NKAIN2: variants seen among roughly 807,000 people sequenced by gnomAD.
The protein encoded by NKAIN2 is sodium/potassium-transporting ATPase subunit beta-1-interacting protein 2.
NKAIN2 carries 14 observed loss-of-function variants against 32.6 expected under a neutral mutation model. The ratio of observed to expected loss-of-function variants is 0.43; its 90% CI spans 0.28 to 0.67. The LOEUF is 0.67. Ranked by LOEUF, NKAIN2 falls within the 30% of genes least tolerant of loss-of-function variation. NKAIN2 has a pLI of 0.17. For missense variants in NKAIN2, 198 were observed against 258.3 expected, an observed-to-expected ratio of 0.77 and a Z score of 1.60; for synonymous variants, 80 against 87.2, an observed-to-expected ratio of 0.92 and a Z score of 0.46.
chr6:124,411,614 AT>A (rs1774188630), intron 3 of NKAIN2, among the ~76,000 whole-genome samples: 2 of 152,042 alleles, frequency 1.3e-5, no homozygotes, highest in African/African-American at 2.4e-5. Context: ...TGCCCTTAAC[AT>A]TTTTTCCTTC....
At chr6:124,006,111 T>A (rs993321143) in intron 1 of NKAIN2, among the ~76,000 whole-genome samples, 1 of 152,182 alleles carries the variant, frequency 6.6e-6, no homozygotes, top group African/African-American at 2.4e-5. Flanking sequence ...AGCCTCACCG[T>A]GTTTGAGGAG....
At chr6:124,045,176 A>G (rs776341863) in intron 1 of NKAIN2, among the ~76,000 whole-genome samples, 38 of 151,838 alleles carry the variant, frequency 2.5e-4, no homozygotes, top group Non-Finnish European at 2.1e-4. Context: ...ATATCAATAT[A>G]TTCTAATATA....
At chr6:124,172,434 A>G (rs771209445) in intron 1 of NKAIN2, among the ~76,000 whole-genome samples, 3 of 152,126 alleles carry the variant, frequency 2.0e-5, no homozygotes, top group African/African-American at 4.8e-5. Flanking sequence ...CGTAAGTTTC[A>G]TTTTATTATG....
intron 4 of NKAIN2, among the ~76,000 whole-genome samples, chr6:124,701,373 A>G (rs1337726156): frequency 2.0e-5 from 3 of 152,174 alleles, no homozygotes; most frequent in African/African-American, 7.2e-5. Flanking sequence ...CAACTTAAAC[A>G]TCTGTCCATA....
chr6:124,725,605 T>A (rs746908949), intron 4 of NKAIN2, among the ~76,000 whole-genome samples: 6 of 152,190 alleles, frequency 3.9e-5, no homozygotes, highest in Non-Finnish European at 8.8e-5. Context: ...AGCAAGAGTC[T>A]TCCAAATGAT....
intron 1 of NKAIN2, among the ~76,000 whole-genome samples, chr6:124,274,769 C>T (rs536643215): frequency 9.9e-5 from 15 of 151,560 alleles, no homozygotes; most frequent in African/African-American, 2.2e-4. Context: ...TCACAGAATG[C>T]GGACACACTA....
chr6:124,821,541 A>G (rs1781395251), intron 6 of NKAIN2, among the ~76,000 whole-genome samples: 1 of 152,178 alleles, frequency 6.6e-6, no homozygotes. Flanking sequence ...AGACTCTACA[A>G]AGATAGATAT....
intron 3 of NKAIN2, among the ~76,000 whole-genome samples, chr6:124,437,681 A>G: frequency 6.6e-6 from 1 of 152,130 alleles, no homozygotes; most frequent in Non-Finnish European, 1.5e-5. Flanking sequence ...GAAACTTAGA[A>G]TAGAAACTGG....
chr6:124,378,729 G>A (rs1474084095), intron 3 of NKAIN2, among the ~76,000 whole-genome samples: 1 of 152,044 alleles, frequency 6.6e-6, no homozygotes, highest in Non-Finnish European at 1.5e-5. Context: ...GTGGGGAAGA[G>A]AATGTTGAGG....
intron 3 of NKAIN2, among the ~76,000 whole-genome samples, chr6:124,483,082 A>G (rs1042258703): frequency 4.0e-5 from 6 of 150,802 alleles, no homozygotes; most frequent in African/African-American, 1.2e-4. Context: ...AGATCGTGCC[A>G]CTGCACTCCA....
At chr6:124,631,726 ACTTTTGATGTCT>A (rs1783576386) in intron 3 of NKAIN2, among the ~76,000 whole-genome samples, 1 of 152,094 alleles carries the variant, frequency 6.6e-6, no homozygotes, top group South Asian at 2.1e-4. Context: ...GATCCCTCAG[ACTTTTGATGTCT>A]CTTTAATTAT....
intron 1 of NKAIN2, among the ~76,000 whole-genome samples, chr6:123,907,810 A>G (rs894561090): frequency 2.6e-5 from 4 of 152,026 alleles, no homozygotes; most frequent in African/African-American, 7.2e-5. Context: ...ACTGAGTTGC[A>G]TGTCGGGAAA....
chr6:124,407,682 A>C (rs574593523), intron 3 of NKAIN2, among the ~76,000 whole-genome samples: 10 of 152,130 alleles, frequency 6.6e-5, no homozygotes, highest in African/African-American at 2.4e-4. Flanking sequence ...TTATAGCAGC[A>C]TGATTTATAA....
intron 1 of NKAIN2, among the ~76,000 whole-genome samples, chr6:124,012,560 T>G (rs2114738779): frequency 6.6e-6 from 1 of 152,218 alleles, no homozygotes; most frequent in South Asian, 2.1e-4. Context: ...GGTCTCGAAC[T>G]CCTGACCTTG....
intron 1 of NKAIN2, among the ~76,000 whole-genome samples, chr6:124,018,091 G>A (rs946890044): frequency 6.6e-6 from 1 of 152,184 alleles, no homozygotes. Flanking sequence ...CTCAATTCTT[G>A]ATTTCTGTGC....
chr6:124,030,457 T>G (rs951893209), intron 1 of NKAIN2, among the ~76,000 whole-genome samples: 2 of 152,220 alleles, frequency 1.3e-5, no homozygotes, highest in African/African-American at 4.8e-5. Context: ...AAAACTTTGC[T>G]TTTGATTCTT....
rs557956237 is a variant in NKAIN2, at chr6:123,910,004, T to TAA, written c.54+105751_54+105752dup. 1.2e-4 allele frequency among the ~76,000 whole-genome samples: 19 copies of TAA among 152,242 alleles called. No individual in the cohort carries two copies. The East Asian group carries it at 3.7e-3, about 29-fold the overall frequency. ...AAAGTCTGCCATAAAAAAAAAAATG[T>TAA]AACCGTAACAGTGGTCCATTTTAAA... On this transcript the variant is annotated intron_variant, in intron 1 of 6. Transcript: ENST00000368417.
At chr6:124,002,824 T>A (rs1779932927) in intron 1 of NKAIN2, among the ~76,000 whole-genome samples, 1 of 152,222 alleles carries the variant, frequency 6.6e-6, no homozygotes, top group Admixed American at 6.5e-5. Context: ...GCTGAGCATG[T>A]GCTTTGCATG....
chr6:123,937,281 C>T (rs1776557799), intron 1 of NKAIN2, among the ~76,000 whole-genome samples: 1 of 152,046 alleles, frequency 6.6e-6, no homozygotes, highest in Non-Finnish European at 1.5e-5. Flanking sequence ...CTAAATTCAA[C>T]TTAACTCATT....
Sources: allele counts gnomAD v4.1 joint callset (sites outside exome capture counted in the v4.1 genomes callset), GRCh38; gene constraint gnomAD v4.1.1; transcripts MANE v1.5; gene names NCBI Gene and HGNC (gene_info 2026-07-23, HGNC 2026-07-21).